Variants in CCNE1 observed in about 807,000 individuals in gnomAD.
CCNE1 encodes the protein G1/S-specific cyclin-E1.
Under a neutral mutation model 54.1 loss-of-function variants are expected in CCNE1, and 8 were observed. That is an observed-to-expected ratio of 0.15 (90% CI 0.09 to 0.27). The LOEUF is 0.27. Ranked by LOEUF, CCNE1 falls within the 10% of genes least tolerant of loss-of-function variation. The pLI is 1.00. For missense variants in CCNE1, 430 were observed against 514.9 expected (o/e 0.84, Z 1.60); for synonymous variants, 179 against 185.2 (o/e 0.97, Z 0.27).
In CCNE1 at chr19:29,822,267, G is replaced by C; in HGVS notation, c.868G>C (p.Asp290His). 1 of 1,614,000 alleles carries C rather than the reference G, an allele frequency of 6.2e-7. No individual in the cohort carries two copies. The highest frequency in any genetic ancestry group is 8.5e-7 in the Non-Finnish European group (1 of 1,179,990). Residue 290 changes from aspartate to histidine, a missense_variant, in exon 10 of 12, where the codon GAC becomes CAC. Around this residue, in one of 2 missense-constraint regions of CCNE1, gnomAD observed 303 missense variants for 401.1 expected, o/e 0.76. Transcript: ENST00000262643. ...ELLDLCVLDV[D>H]CLEFPYGILA... The stretch of plus-strand genomic sequence containing the variant: ...GTTGGATCTCTGTGTCCTGGATGTT[G>C]ACTGCCTTGAATTTCCTTATGGTAT...
chr19:29,815,533 G>A (rs1050793033), intron 4 of CCNE1, among the ~76,000 whole-genome samples: 2 of 152,028 alleles, frequency 1.3e-5, no homozygotes, highest in African/African-American at 2.4e-5. Context: ...CTGTGTCTTC[G>A]AGGTAGCACT....
intron 4 of CCNE1, 140 bp from the exon 5 acceptor site, chr19:29,816,994 TATC>T (rs1199178130): frequency 1.8e-5 from 14 of 799,304 alleles, no homozygotes; most frequent in African/African-American, 5.2e-5. Context: ...TGACAAAAAA[TATC>T]ATAATGTATC....
rs1372144185 is a variant in CCNE1 at position 29,823,961 on chromosome 19, G to A, written c.*184G>A. On this transcript the variant is annotated 3_prime_UTR_variant, in exon 12 of 12. Transcript: ENST00000262643. ...AGTGTTTTTTATTGAATGCTTATAG[G>A]TTTTTTTTAAATAAGTGGGTCAAGT... 1 of 585,128 alleles carries A rather than the reference G, an allele frequency of 1.7e-6. No homozygotes were observed. The highest frequency in any genetic ancestry group is 3.9e-5 in the South Asian group (1 of 25,722). The allele number at this position is 585,128 out of a possible 1,614,324, so 36.2% of individuals were successfully genotyped here. A position where few individuals can be genotyped will look rare whatever the true frequency, so the allele number is the denominator to read the frequency against.
At position 29,812,708 on chromosome 19, in the gene CCNE1, A is replaced by T; in HGVS notation, c.43A>T (p.Thr15Ser). 1 of 1,592,340 alleles carries T rather than the reference A, an allele frequency of 6.3e-7. No individual in the cohort carries two copies. Among genetic ancestry groups the T allele is most frequent in the Non-Finnish European group, 8.5e-7 (1 of 1,171,582 alleles). Reference protein sequence around the residue: ...RRERDAKERDTMKEDGGAEFS... With the variant: ...RRERDAKERDSMKEDGGAEFS... ...CCACAGGGATGCGAAGGAGCGGGAC[A>T]CCATGAAGGAGGACGGCGGCGCGGA... Residue 15 changes from threonine to serine, a missense_variant, in exon 3 of 12, where the codon ACC becomes TCC. Physicochemically the swap from Thr to Ser is moderately conservative, Grantham distance 58. Around this residue, in one of 2 missense-constraint regions of CCNE1, gnomAD observed 127 missense variants for 113.8 expected, o/e 1.12. Transcript: ENST00000262643.
chr19:29,812,652 G>T, intron 2 of CCNE1, 37 bp from the exon 3 acceptor site: 1 of 1,562,998 alleles, frequency 6.4e-7, no homozygotes, highest in African/African-American at 1.3e-5. Context: ...GGGCGGCCGC[G>T]GGTGCTCACC....
At chr19:29,822,180 G>C in intron 9 of CCNE1, 50 bp downstream of exon 9, 1 of 1,611,958 alleles carries the variant, frequency 6.2e-7, no homozygotes, top group Non-Finnish European at 8.5e-7. Flanking sequence ...CAGCTGGAGT[G>C]AGGAACTCTA....
In CCNE1 at chr19:29,812,512, C is replaced by T. The variant is rs1973914159; in HGVS notation, c.-24-20C>T. The T allele has an allele frequency of 1.6e-6, 2 of 1,283,102 alleles. No individual in the cohort carries two copies. The highest frequency in any genetic ancestry group is 2.0e-6 in the Non-Finnish European group (2 of 1,022,016). 79.5% of individuals were successfully genotyped at this position (1,283,102 alleles called of 1,614,324 possible). On this transcript the variant is annotated intron_variant, in intron 1 of 11. Transcript: ENST00000262643. ...CCGCGGCCTGACCCCGCCGCCGCCT[C>T]ACCCCGCGCCGCCCCGCAGGCCTCA... is the stretch of plus-strand genomic sequence containing the variant.
chr19:29,822,709 C>A, intron 11 of CCNE1, 106 bp downstream of exon 11: 1 of 1,066,404 alleles, frequency 9.4e-7, no homozygotes, highest in Non-Finnish European at 1.4e-6. Flanking sequence ...TTTGGGAGGC[C>A]GAGGTGGGCC....
Position 29,822,130 on chromosome 19 carries a change from G to A in CCNE1, c.840G>A (p.Glu280=). The part of the protein sequence containing the change: ...YPQQIFIQIA[E]LLDLCVLDVD... ...AGCAAATCTTTATACAGATTGCAGA[G>A]GTAAGTGGCTCCATCACGTCCGTGG... Residue 280 remains glutamate, a splice_region_variant and synonymous_variant, in exon 9 of 12, where the codon GAG becomes GAA. Transcript: ENST00000262643. 6.2e-7 allele frequency: 1 copy of A among 1,613,074 alleles called. No individual in the cohort carries two copies. Among genetic ancestry groups the A allele is most frequent in the Non-Finnish European group, 8.5e-7 (1 of 1,179,532 alleles).
rs1182582435 is a variant in CCNE1 at position 29,817,128 on chromosome 19, C to T, written c.181-9C>T. On this transcript the variant is annotated splice_polypyrimidine_tract_variant and intron_variant, in intron 4 of 11. Transcript: ENST00000262643. Reference sequence around the variant, plus strand: ...TATCTCACCTCTCCTGTGTATTTTTCATTTACAGCCTTGGGACAATAATGC... The same window carrying T: ...TATCTCACCTCTCCTGTGTATTTTTTATTTACAGCCTTGGGACAATAATGC... 1.2e-6 allele frequency: 2 copies of T among 1,611,368 alleles called. No individual in the cohort carries two copies. Among genetic ancestry groups the T allele is most frequent in the Admixed American group, 3.4e-5 (2 of 59,310 alleles).
chr19:29,813,308 A>G (rs1007660308), intron 4 of CCNE1: 1 of 481,774 alleles, frequency 2.1e-6, no homozygotes, highest in Non-Finnish European at 3.7e-6. Flanking sequence ...ACATCACAGT[A>G]TTCAGTCCTC....
intron 6 of CCNE1, 62 bp from the exon 7 acceptor site, chr19:29,820,635 GTTTTT>G: frequency 1.1e-6 from 1 of 948,340 alleles, no homozygotes; most frequent in Non-Finnish European, 1.6e-6. Context: ...GTCATTACAA[GTTTTT>G]TTTTTTTCCC....
At chr19:29,814,172 C>T (rs1014300956) in intron 4 of CCNE1, among the ~76,000 whole-genome samples, 1 of 152,146 alleles carries the variant, frequency 6.6e-6, no homozygotes, top group Non-Finnish European at 1.5e-5. Context: ...AATGAGACGG[C>T]ATATCCCCAG....
intron 6 of CCNE1, among the ~76,000 whole-genome samples, chr19:29,820,253 A>C (rs1158587180): frequency 1.3e-5 from 2 of 152,176 alleles, no homozygotes; most frequent in African/African-American, 4.8e-5. Context: ...CCTCATTTAA[A>C]ACCTATCAGT....
chr19:29,817,159 G>C lies in CCNE1; in HGVS notation c.203G>C (p.Cys68Ser). The C allele has an allele frequency of 1.2e-6, 2 of 1,614,076 alleles. No individual in the cohort carries two copies. Among genetic ancestry groups the C allele is most frequent in the South Asian group, 1.1e-5 (1 of 91,066 alleles). Residue 68 changes from cysteine to serine, a missense_variant, in exon 5 of 12, where the codon TGT (cysteine) becomes TCT (serine). Cys to Ser is a moderately radical substitution (Grantham distance 112). This residue lies in a region of CCNE1 where 127 missense variants were observed against 113.8 expected (regional missense o/e 1.12). Coordinates refer to ENST00000262643, the MANE Select transcript of CCNE1 (RefSeq NM_001238.4). Reference sequence around the variant, plus strand: ...CAGCCTTGGGACAATAATGCAGTCTGTGCAGACCCCTGCTCCCTGATCCCC... The same window carrying C: ...CAGCCTTGGGACAATAATGCAGTCTCTGCAGACCCCTGCTCCCTGATCCCC... ...GSQPWDNNAV[C>S]ADPCSLIPTP...
chr19:29,824,014 G>A lies in CCNE1; in HGVS notation c.*237G>A, dbSNP rs1454660662. ...ACCAGCCACCTCCAGACACCAGTGC[G>A]TGCTCCCGATGCTGCTATGGAAGGT... On this transcript the variant is annotated 3_prime_UTR_variant, in exon 12 of 12. Coordinates refer to ENST00000262643, the MANE Select transcript of CCNE1 (RefSeq NM_001238.4). 3.2e-5 allele frequency: 13 copies of A among 408,166 alleles called. No individual in the cohort carries two copies. Among genetic ancestry groups the A allele is most frequent in the Admixed American group, 8.3e-5 (2 of 24,102 alleles). The allele number at this position is 408,166 out of a possible 1,614,324, so 25.3% of individuals were successfully genotyped here.
At chr19:29,820,880 G>T (rs1388956854) in intron 7 of CCNE1, 32 bp downstream of exon 7, 1 of 1,522,930 alleles carries the variant, frequency 6.6e-7, no homozygotes. Context: ...GTTCTATAAT[G>T]TGTGTTATTT....
chr19:29,822,401 T>C, intron 10 of CCNE1, 45 bp from the exon 11 acceptor site: 1 of 1,613,850 alleles, frequency 6.2e-7, no homozygotes, highest in Non-Finnish European at 8.5e-7. Flanking sequence ...TAAGCTTACA[T>C]CCAGTTGTCA....
chr19:29,820,293 A>G (rs919335556), intron 6 of CCNE1, among the ~76,000 whole-genome samples: 7 of 152,150 alleles, frequency 4.6e-5, no homozygotes, highest in Admixed American at 1.3e-4. Context: ...GCTCATCCCT[A>G]TAATCCCAGC....
Sources: allele counts gnomAD v4.1 joint callset (sites outside exome capture counted in the v4.1 genomes callset), GRCh38; gene constraint gnomAD v4.1.1; regional missense constraint gnomAD v4.1.1; transcripts MANE v1.5; gene names NCBI Gene and HGNC (gene_info 2026-07-23, HGNC 2026-07-21).